CCDC91: variants seen among roughly 807,000 people sequenced by gnomAD.
The protein encoded by CCDC91 is coiled-coil domain-containing protein 91.
In CCDC91, 48 loss-of-function variants were observed where a neutral mutation model predicts 63.2. The observed-to-expected ratio is 0.76, with a 90% confidence interval of 0.60 to 0.97. The LOEUF (loss-of-function observed/expected upper bound fraction) is 0.97. Among genes scored for constraint, CCDC91 ranks in the 50% least tolerant of loss-of-function variants. The pLI is 0.00. For synonymous variants in CCDC91, 167 were observed against 165.8 expected (o/e 1.01, Z -0.06); for missense variants, 500 against 494.6 (o/e 1.01, Z -0.10).
chr12:28,369,657 G>C (rs947095376), intron 7 of CCDC91, among the ~76,000 whole-genome samples: 2 of 152,180 alleles, frequency 1.3e-5, no homozygotes, highest in African/African-American at 2.4e-5. Context: ...CACTCCCCTA[G>C]TAGAGGTTCT....
chr12:28,392,898 G>T (rs1399766069), intron 8 of CCDC91, among the ~76,000 whole-genome samples: 1 of 152,146 alleles, frequency 6.6e-6, no homozygotes, highest in Non-Finnish European at 1.5e-5. Flanking sequence ...TTCCCAACAT[G>T]CCTAGTATAC....
At chr12:28,421,207 A>G (rs1325203547) in intron 8 of CCDC91, among the ~76,000 whole-genome samples, 1 of 152,138 alleles carries the variant, frequency 6.6e-6, no homozygotes, top group South Asian at 2.1e-4. Context: ...TTAAAAAACT[A>G]TGTTTTAAAA....
At chr12:28,260,292 T>C (rs1424611844) in intron 3 of CCDC91, among the ~76,000 whole-genome samples, 1 of 152,000 alleles carries the variant, frequency 6.6e-6, no homozygotes, top group Admixed American at 6.6e-5. Context: ...GCTGGAAATA[T>C]ATGTATATGT....
chr12:28,286,312 C>T (rs1002174490), intron 3 of CCDC91, among the ~76,000 whole-genome samples: 1 of 152,048 alleles, frequency 6.6e-6, no homozygotes, highest in Non-Finnish European at 1.5e-5. Flanking sequence ...TTTCATCACC[C>T]AGATATTAAG....
intron 3 of CCDC91, among the ~76,000 whole-genome samples, chr12:28,305,051 T>C (rs1342250377): frequency 6.6e-6 from 1 of 152,162 alleles, no homozygotes; most frequent in East Asian, 1.9e-4. Context: ...ATGAAAAACC[T>C]TTTGTTTGTT....
rs1950795214 is a variant in CCDC91, at chr12:28,471,174, G to C, written c.1102-12878G>C. On this transcript the variant is annotated intron_variant, in intron 11 of 12. Coordinates refer to ENST00000536442, the MANE Select transcript of CCDC91 (RefSeq NM_018318.5). ...CTAGGTTCATCATGAAATTTTTGAG[G>C]AACAGAGCCAAGATACATAAAAGTT... 2.0e-5 allele frequency among the ~76,000 whole-genome samples: 3 copies of C among 152,090 alleles called. 1 individual carries two copies. The South Asian group carries it at 6.2e-4, about 31-fold the overall frequency.
intron 11 of CCDC91, 107 bp downstream of exon 11, chr12:28,452,761 T>A (rs1026327900): frequency 2.3e-6 from 1 of 430,302 alleles, no homozygotes; most frequent in Non-Finnish European, 4.0e-6. Flanking sequence ...TTAGTAGATA[T>A]TTATGACTTT....
intron 3 of CCDC91, among the ~76,000 whole-genome samples, chr12:28,275,998 A>G (rs559716568): frequency 2.3e-4 from 35 of 152,076 alleles, no homozygotes; most frequent in Non-Finnish European, 3.5e-4. Context: ...ATCTATGACA[A>G]ACCCACAGCC....
chr12:28,332,316 C>T (rs983514348), intron 6 of CCDC91, among the ~76,000 whole-genome samples: 6 of 151,982 alleles, frequency 3.9e-5, no homozygotes, highest in African/African-American at 9.7e-5. Context: ...ATCTCTTAAG[C>T]GATTTAAGAG....
chr12:28,548,685 G>T (rs1943145270), intron 12 of CCDC91, among the ~76,000 whole-genome samples: 1 of 152,070 alleles, frequency 6.6e-6, no homozygotes. Context: ...TGATTATGCT[G>T]TGTTTCTGTG....
At chr12:28,213,831 A>G (rs757166689) in intron 1 of CCDC91, among the ~76,000 whole-genome samples, 2 of 152,216 alleles carry the variant, frequency 1.3e-5, no homozygotes, top group African/African-American at 2.4e-5. Context: ...GAAACAGCTG[A>G]CTTGATAGAA....
intron 11 of CCDC91, among the ~76,000 whole-genome samples, chr12:28,459,901 C>T (rs1019172015): frequency 1.3e-5 from 2 of 152,144 alleles, no homozygotes; most frequent in African/African-American, 4.8e-5. Flanking sequence ...TTCATTTGTA[C>T]CTCCTCAGCA....
chr12:28,521,366 C>T (rs1302550146), intron 12 of CCDC91, among the ~76,000 whole-genome samples: 2 of 152,008 alleles, frequency 1.3e-5, no homozygotes, highest in South Asian at 2.1e-4. Context: ...TGATTTGGCT[C>T]TCTGTTTGTC....
chr12:28,415,901 A>T, intron 8 of CCDC91, among the ~76,000 whole-genome samples: 1 of 152,050 alleles, frequency 6.6e-6, no homozygotes, highest in Admixed American at 6.6e-5. Context: ...TCTTGATATC[A>T]TTCAGTACCA....
At chr12:28,488,377 G>A (rs891957332) in intron 12 of CCDC91, among the ~76,000 whole-genome samples, 5 of 151,582 alleles carry the variant, frequency 3.3e-5, no homozygotes, top group South Asian at 2.1e-4. Flanking sequence ...ATATTAGTCC[G>A]AGTCATAATC....
At chr12:28,217,293 A>T (rs1943626360) in intron 1 of CCDC91, among the ~76,000 whole-genome samples, 1 of 152,176 alleles carries the variant, frequency 6.6e-6, no homozygotes, top group Admixed American at 6.5e-5. Context: ...TTAATTCATT[A>T]TATCCTTTAA....
intron 3 of CCDC91, chr12:28,268,652 G>T (rs995954823): frequency 1.0e-6 from 1 of 985,082 alleles, no homozygotes; most frequent in African/African-American, 1.7e-5. Flanking sequence ...CTATATCCAG[G>T]ACTGCTTCAG....
intron 3 of CCDC91, among the ~76,000 whole-genome samples, chr12:28,275,194 A>G (rs1450041655): frequency 6.6e-6 from 1 of 152,178 alleles, no homozygotes; most frequent in African/African-American, 2.4e-5. Context: ...GGTTTTTTGA[A>G]AAGATCAACA....
intron 1 of CCDC91, among the ~76,000 whole-genome samples, chr12:28,221,410 T>C (rs1249967055): frequency 1.3e-5 from 2 of 152,248 alleles, no homozygotes; most frequent in African/African-American, 2.4e-5. Flanking sequence ...TTATGCGTTA[T>C]AGTTTTCTGA....
Sources: gnomAD v4.1 joint callset for allele counts (sites outside exome capture counted in the v4.1 genomes callset) on GRCh38, gnomAD v4.1.1 for gene constraint, MANE v1.5 for transcripts, NCBI Gene and HGNC (gene_info 2026-07-23, HGNC 2026-07-21) for gene names.